The following CAMKMT variants were observed in gnomAD, a reference collection of about 807,000 sequenced individuals.
CAMKMT encodes calmodulin-lysine N-methyltransferase.
CAMKMT carries 53 observed loss-of-function variants against 48.0 expected under a neutral mutation model. The observed-to-expected ratio is 1.10, with a 90% CI of 0.89 to 1.39. CAMKMT has a LOEUF of 1.39. Among genes scored for constraint, CAMKMT ranks in the 40% most tolerant of loss-of-function variants. The pLI is 0.00. For synonymous variants in CAMKMT, 165 were observed against 152.3 expected (o/e 1.08, Z -0.61); for missense variants, 428 against 402.7 (o/e 1.06, Z -0.54).
chr2:44,381,502 G>A (rs1159978660), intron 2 of CAMKMT, among the ~76,000 whole-genome samples: 2 of 152,116 alleles, frequency 1.3e-5, no homozygotes, highest in Admixed American at 1.3e-4. Context: ...ATCAGAAATA[G>A]ATTTGATGTT....
intron 3 of CAMKMT, among the ~76,000 whole-genome samples, chr2:44,593,903 A>G (rs1239801302): frequency 1.3e-5 from 2 of 151,278 alleles, no homozygotes; most frequent in Non-Finnish European, 2.9e-5. Context: ...AGCTGGGACT[A>G]CAGGCATGTA....
intron 7 of CAMKMT, among the ~76,000 whole-genome samples, chr2:44,730,138 C>G (rs1573185156): frequency 6.6e-6 from 1 of 152,140 alleles, no homozygotes; most frequent in Non-Finnish European, 1.5e-5. Flanking sequence ...TGTAAGGTCA[C>G]CTGCTGAGAA....
chr2:44,586,330 T>G (rs952040154), intron 3 of CAMKMT, among the ~76,000 whole-genome samples: 1 of 151,988 alleles, frequency 6.6e-6, no homozygotes, highest in Non-Finnish European at 1.5e-5. Flanking sequence ...TGTATATATA[T>G]ATATATGTTA....
At chr2:44,412,022 T>C (rs2104480311) in intron 3 of CAMKMT, among the ~76,000 whole-genome samples, 1 of 136,526 alleles carries the variant, frequency 7.3e-6, no homozygotes, top group East Asian at 2.3e-4. Flanking sequence ...GCAGACAGTG[T>C]AGATTTGCAC....
chr2:44,528,096 T>C (rs1666264807), intron 3 of CAMKMT, among the ~76,000 whole-genome samples: 1 of 152,266 alleles, frequency 6.6e-6, no homozygotes, highest in East Asian at 1.9e-4. Flanking sequence ...AGCAAACCAG[T>C]TGGGAAGGAT....
At chr2:44,520,896 C>T (rs1671071363) in intron 3 of CAMKMT, among the ~76,000 whole-genome samples, 1 of 152,160 alleles carries the variant, frequency 6.6e-6, no homozygotes, top group East Asian at 1.9e-4. Flanking sequence ...CTTTCTCCTG[C>T]CGCTCTGTGA....
intron 3 of CAMKMT, among the ~76,000 whole-genome samples, chr2:44,661,274 T>TTTATTTAG (rs1343650624): frequency 2.0e-5 from 3 of 151,928 alleles, no homozygotes; most frequent in African/African-American, 7.2e-5. Context: ...TTTATTTTTC[T>TTTATTTAG]TTATTTAGGT....
chr2:44,392,711 C>CA (rs1311943442), intron 3 of CAMKMT, among the ~76,000 whole-genome samples: 3 of 151,406 alleles, frequency 2.0e-5, no homozygotes, highest in East Asian at 1.9e-4. Context: ...TTCAAAAATA[C>CA]AAAAAAATAG....
chr2:44,642,733 AG>A (rs2104006190), intron 3 of CAMKMT, among the ~76,000 whole-genome samples: 1 of 152,088 alleles, frequency 6.6e-6, no homozygotes, highest in African/African-American at 2.4e-5. Context: ...GAGAGTGGGG[AG>A]GGGGTGCCCT....
rs576977937 is a variant in CAMKMT at position 44,638,897 on chromosome 2, G to A, written c.377-65386G>A. Among the ~76,000 whole-genome samples the A allele has an allele frequency of 1.1e-4, 17 of 152,302 alleles. 1 individual carries two copies. In the South Asian group the frequency reaches 3.1e-3, roughly 28 times the overall value. On this transcript the variant is annotated intron_variant, in intron 3 of 10. Coordinates refer to ENST00000378494, the MANE Select transcript of CAMKMT (RefSeq NM_024766.5). ...TCTTTGCTGGCAGAGGGGCAGAACC[G>A]ACACTTTTGTAGCCACTGGCAAGAC... is the stretch of plus-strand genomic sequence containing the variant.
intron 3 of CAMKMT, chr2:44,457,102 A>T (rs1338635211): frequency 6.6e-6 from 1 of 152,278 alleles, no homozygotes; most frequent in African/African-American, 2.4e-5. Context: ...AAATGGCCTC[A>T]AGAGTATAAA....
chr2:44,574,735 T>TATTA (rs1205067553), intron 3 of CAMKMT, among the ~76,000 whole-genome samples: 31 of 152,026 alleles, frequency 2.0e-4, no homozygotes, highest in East Asian at 3.9e-4. Context: ...TGATATGTCT[T>TATTA]ATTAATTAAT....
At chr2:44,707,541 GACAGCA>G (rs1388945820) in intron 6 of CAMKMT, 79 bp downstream of exon 6, 2 of 1,202,110 alleles carry the variant, frequency 1.7e-6, no homozygotes. Context: ...TATAAAGAAA[GACAGCA>G]TGGGGTATTA....
intron 3 of CAMKMT, among the ~76,000 whole-genome samples, chr2:44,426,694 A>G (rs1174974673): frequency 6.6e-6 from 1 of 152,204 alleles, no homozygotes; most frequent in South Asian, 2.1e-4. Flanking sequence ...AAATGGAAAA[A>G]CATTCCATGC....
At position 44,706,288 on chromosome 2, in the gene CAMKMT, G is replaced by A; in HGVS notation, c.439G>A (p.Ala147Thr). 1 of 1,613,142 alleles carries A rather than the reference G, an allele frequency of 6.2e-7. No homozygotes were observed. Among genetic ancestry groups the A allele is most frequent in the Non-Finnish European group, 8.5e-7 (1 of 1,179,408 alleles). ...TACCATTTCTTTTCTCTCTTTCAGG[G>A]CCCTTGCTGTGTGTGAGCTAGGGGG... is the stretch of plus-strand genomic sequence containing the variant. ...YCLKHNNIFR[A>T]LAVCELGGGM... Residue 147 changes from alanine to threonine, a missense_variant and splice_region_variant, in exon 5 of 11, where the codon GCC (alanine) becomes ACC (threonine). Coordinates refer to ENST00000378494, the MANE Select transcript of CAMKMT (RefSeq NM_024766.5).
At chr2:44,557,507 C>G (rs182983151) in intron 3 of CAMKMT, among the ~76,000 whole-genome samples, 1 of 152,082 alleles carries the variant, frequency 6.6e-6, no homozygotes, top group Admixed American at 6.6e-5. Context: ...TGATGTTGCT[C>G]CTCATCTTGA....
At chr2:44,457,455 G>A (rs966897526) in intron 3 of CAMKMT, among the ~76,000 whole-genome samples, 11 of 149,510 alleles carry the variant, frequency 7.4e-5, no homozygotes, top group Non-Finnish European at 1.5e-4. Flanking sequence ...CTGGAGTGCA[G>A]TGGCATGATC....
rs141904733 is a variant in CAMKMT at position 44,610,246 on chromosome 2, T to C, written c.377-94037T>C. Among the ~76,000 whole-genome samples, 1,516 of 152,286 alleles carry C rather than the reference T, an allele frequency of 1.0e-2. 5 individuals carry two copies. Among genetic ancestry groups the C allele is most frequent in the Non-Finnish European group, 0.015 (1,040 of 68,032 alleles). ...TGTCTCTTGGTTCCATGAGAGCTTA[T>C]AGTCTATTAATAGTTGAAGAGAAAG... On this transcript the variant is annotated intron_variant, in intron 3 of 10. Coordinates refer to ENST00000378494, the MANE Select transcript of CAMKMT (RefSeq NM_024766.5).
At chr2:44,688,723 A>G (rs1375032865) in intron 3 of CAMKMT, among the ~76,000 whole-genome samples, 1 of 152,106 alleles carries the variant, frequency 6.6e-6, no homozygotes, top group Non-Finnish European at 1.5e-5. Context: ...CCCCTTCCCC[A>G]CACAGAAATG....
Sources: gnomAD v4.1 joint callset for allele counts (sites outside exome capture counted in the v4.1 genomes callset) on GRCh38, gnomAD v4.1.1 for gene constraint, MANE v1.5 for transcripts, NCBI Gene and HGNC (gene_info 2026-07-23, HGNC 2026-07-21) for gene names.